Variants in NAALADL2 observed in about 807,000 individuals in gnomAD.
NAALADL2 encodes inactive N-acetylated-alpha-linked acidic dipeptidase-like protein 2.
A neutral mutation model predicts 87.2 loss-of-function variants in NAALADL2; 76 were observed. The observed-to-expected ratio is 0.87, with a 90% confidence interval of 0.72 to 1.05. The LOEUF is 1.05. NAALADL2 is among the 50% of genes least tolerant of loss of function. The pLI, the probability that NAALADL2 is intolerant of heterozygous loss-of-function variation, is 0.00. For missense variants in NAALADL2, 1,089 were observed against 945.8 expected (o/e 1.15, Z -1.99); for synonymous variants, 354 against 331.0 (o/e 1.07, Z -0.75).
chr3:174,650,091 A>T (rs895783809), intron 2 of NAALADL2, among the ~76,000 whole-genome samples: 1 of 152,130 alleles, frequency 6.6e-6, no homozygotes, highest in African/African-American at 2.4e-5. Context: ...TTGTTTAAAC[A>T]AATTTATTTT....
At chr3:175,742,839 A>C (rs1450081174) in intron 12 of NAALADL2, among the ~76,000 whole-genome samples, 1 of 152,176 alleles carries the variant, frequency 6.6e-6, no homozygotes, top group Non-Finnish European at 1.5e-5. Context: ...ATCTAATTGT[A>C]ATAAGTTGGG....
At chr3:174,457,098 A>G (rs1715891511) in intron 1 of NAALADL2, among the ~76,000 whole-genome samples, 1 of 152,196 alleles carries the variant, frequency 6.6e-6, no homozygotes, top group Non-Finnish European at 1.5e-5. Context: ...AAGAATATGA[A>G]AAAAAGCTCA....
intron 13 of NAALADL2, among the ~76,000 whole-genome samples, chr3:175,794,797 T>A (rs926159561): frequency 2.6e-5 from 4 of 152,218 alleles, no homozygotes; most frequent in African/African-American, 7.2e-5. Context: ...TTTAAAAAAA[T>A]TATGCTGTGA....
intron 5 of NAALADL2, among the ~76,000 whole-genome samples, chr3:175,398,352 T>TG (rs1178811913): frequency 6.8e-5 from 9 of 131,854 alleles, no homozygotes; most frequent in African/African-American, 1.3e-4. Context: ...TACTTTTTTT[T>TG]TTTTTTTTTT....
chr3:174,782,126 A>G (rs967957263), intron 3 of NAALADL2, among the ~76,000 whole-genome samples: 1 of 152,134 alleles, frequency 6.6e-6, no homozygotes, highest in African/African-American at 2.4e-5. Context: ...TGCTGAGAAC[A>G]GTTTACTCTT....
chr3:175,723,247 C>T (rs1561037192), intron 11 of NAALADL2, among the ~76,000 whole-genome samples: 1 of 152,112 alleles, frequency 6.6e-6, no homozygotes, highest in Non-Finnish European at 1.5e-5. Flanking sequence ...TCAGATAGCC[C>T]TCGACTTCTG....
chr3:174,715,690 G>GT (rs1200027823), intron 2 of NAALADL2, among the ~76,000 whole-genome samples: 1 of 152,130 alleles, frequency 6.6e-6, no homozygotes, highest in Non-Finnish European at 1.5e-5. Flanking sequence ...CTTGCATTGT[G>GT]TTGTTTGGGG....
chr3:174,986,792 C>G (rs1745937728), intron 1 of NAALADL2, among the ~76,000 whole-genome samples: 1 of 152,050 alleles, frequency 6.6e-6, no homozygotes, highest in South Asian at 2.1e-4. Flanking sequence ...GTTAGAATTA[C>G]TTTTGAATAG....
intron 2 of NAALADL2, among the ~76,000 whole-genome samples, chr3:174,721,758 C>G (rs1012990723): frequency 2.6e-5 from 4 of 152,080 alleles, no homozygotes; most frequent in Non-Finnish European, 5.9e-5. Flanking sequence ...GTTCTCCCAG[C>G]CCAGAATACC....
chr3:175,647,712 G>C lies in NAALADL2; in HGVS notation c.1896+20326G>C, dbSNP rs148564793. On this transcript the variant is annotated intron_variant, in intron 11 of 13. Coordinates refer to ENST00000454872, the MANE Select transcript of NAALADL2 (RefSeq NM_207015.3). ...AATGATTTCAGGTAATGTTTGTGAA[G>C]TGCTTTACACCTGGAGCCCTGTATA... Among the ~76,000 whole-genome samples, 942 of 152,286 alleles carry C rather than the reference G, an allele frequency of 6.2e-3. 11 individuals are homozygous for C. The highest frequency in any genetic ancestry group is 0.022 in the African/African-American group (902 of 41,570).
intron 10 of NAALADL2, among the ~76,000 whole-genome samples, chr3:175,598,956 A>C (rs1453508358): frequency 6.6e-6 from 1 of 152,142 alleles, no homozygotes; most frequent in East Asian, 1.9e-4. Context: ...ACAAGTTGAA[A>C]CACATTTGAA....
At chr3:174,711,028 T>C (rs1190932670) in intron 2 of NAALADL2, among the ~76,000 whole-genome samples, 2 of 152,090 alleles carry the variant, frequency 1.3e-5, no homozygotes, top group African/African-American at 4.8e-5. Context: ...GATAGGGTGA[T>C]TTTTCAGTGC....
chr3:175,306,924 A>G (rs993260713), intron 4 of NAALADL2, among the ~76,000 whole-genome samples: 5 of 152,200 alleles, frequency 3.3e-5, no homozygotes, highest in Non-Finnish European at 5.9e-5. Context: ...AAATGAAGCC[A>G]TTGCATATGG....
At chr3:174,721,076 G>A (rs1465287631) in intron 2 of NAALADL2, among the ~76,000 whole-genome samples, 1 of 142,354 alleles carries the variant, frequency 7.0e-6, no homozygotes, top group Non-Finnish European at 1.5e-5. Flanking sequence ...TTTTCTTTCA[G>A]TTTCTTGGTA....
At chr3:174,714,295 G>C (rs542052153) in intron 2 of NAALADL2, among the ~76,000 whole-genome samples, 4 of 152,042 alleles carry the variant, frequency 2.6e-5, no homozygotes, top group South Asian at 2.1e-4. Context: ...CTCTTTTTTG[G>C]TTCCATATGA....
At chr3:175,569,211 C>G (rs1431772584) in intron 9 of NAALADL2, among the ~76,000 whole-genome samples, 22 of 152,188 alleles carry the variant, frequency 1.4e-4, no homozygotes, top group Admixed American at 1.4e-3. Context: ...TACATGTTCA[C>G]ACTGCCCAGG....
chr3:174,573,772 C>A (rs772522738), intron 2 of NAALADL2, among the ~76,000 whole-genome samples: 1 of 152,142 alleles, frequency 6.6e-6, no homozygotes, highest in Non-Finnish European at 1.5e-5. Context: ...ATGAGAATGG[C>A]ATCAATTCAT....
At chr3:175,389,348 A>G (rs1220089806) in intron 5 of NAALADL2, among the ~76,000 whole-genome samples, 1 of 152,230 alleles carries the variant, frequency 6.6e-6, no homozygotes, top group Non-Finnish European at 1.5e-5. Context: ...CCAAGAAGGA[A>G]TAAACACTGT....
chr3:174,633,153 A>C (rs1578379497), intron 2 of NAALADL2, among the ~76,000 whole-genome samples: 1 of 152,042 alleles, frequency 6.6e-6, no homozygotes, highest in Non-Finnish European at 1.5e-5. Flanking sequence ...TTGGCATTTG[A>C]CATGTAAAAA....
Sources: allele counts gnomAD v4.1 joint callset (sites outside exome capture counted in the v4.1 genomes callset), GRCh38; gene constraint gnomAD v4.1.1; transcripts MANE v1.5; gene names NCBI Gene and HGNC (gene_info 2026-07-23, HGNC 2026-07-21).